Variants in GXYLT2 observed in about 807,000 individuals in gnomAD.
GXYLT2 encodes glycosyltransferase 8 domain containing 4.
A neutral mutation model predicts 45.8 loss-of-function variants in GXYLT2; 53 were observed. That is an observed-to-expected ratio of 1.16 (90% confidence interval 0.93 to 1.46). The LOEUF (loss-of-function observed/expected upper bound fraction) is 1.46, where lower values mean the gene tolerates loss of function less well. Among genes scored for constraint, GXYLT2 ranks in the 40% most tolerant of loss-of-function variants. The pLI is 0.00. For synonymous variants in GXYLT2, 219 were observed against 214.2 expected, an observed-to-expected ratio of 1.02 and a Z score of -0.19; for missense variants, 551 against 544.4, an observed-to-expected ratio of 1.01 and a Z score of -0.12.
chr3:72,959,726 C>G (rs1365186544), intron 5 of GXYLT2, among the ~76,000 whole-genome samples: 6 of 151,786 alleles, frequency 4.0e-5, no homozygotes, highest in Non-Finnish European at 7.4e-5. Flanking sequence ...TCTCTGCCCC[C>G]CAGGTTCAAG....
At chr3:72,951,185 A>G (rs1435308803) in intron 3 of GXYLT2, among the ~76,000 whole-genome samples, 2 of 144,706 alleles carry the variant, frequency 1.4e-5, no homozygotes, top group African/African-American at 5.3e-5. Flanking sequence ...ATGTTATCAA[A>G]AAGTGATTTT....
intron 6 of GXYLT2, among the ~76,000 whole-genome samples, chr3:72,969,017 G>T (rs528699754): frequency 2.6e-5 from 4 of 152,168 alleles, no homozygotes; most frequent in Non-Finnish European, 5.9e-5. Flanking sequence ...CTTGCAGGGA[G>T]CTGAGATGGC....
In GXYLT2 at chr3:72,967,714, C is replaced by G. The variant is rs200291518; in HGVS notation, c.1144C>G (p.Arg382Gly). The G allele has an allele frequency of 1.2e-6, 2 of 1,613,278 alleles. No individual in the cohort carries two copies. The highest frequency in any genetic ancestry group is 1.7e-4 in the Middle Eastern group (1 of 6,056). ...GTTCAGAGCACTCTATGAAGCAATA[C>G]GGGATGTAAGTGTGCCCTTGCTGCT... is the stretch of plus-strand genomic sequence containing the variant. ...PTFRALYEAIRDFPFQDNLFQ... is the reference protein window; with the variant it reads ...PTFRALYEAIGDFPFQDNLFQ... The change falls in exon 6 of 7, where the codon CGG becomes GGG. Residue 382 changes from arginine to glycine, a missense_variant. Coordinates refer to ENST00000389617, the MANE Select transcript of GXYLT2 (RefSeq NM_001080393.2).
At chr3:72,909,030 T>C (rs1709564429) in intron 2 of GXYLT2, among the ~76,000 whole-genome samples, 1 of 151,722 alleles carries the variant, frequency 6.6e-6, no homozygotes, top group African/African-American at 2.4e-5. Flanking sequence ...CCAGCCCCCG[T>C]TTTTTCCTTT....
At chr3:72,922,378 A>C in intron 3 of GXYLT2, 43 bp downstream of exon 3, 1 of 1,581,206 alleles carries the variant, frequency 6.3e-7, no homozygotes, top group Non-Finnish European at 8.6e-7. Flanking sequence ...TGCTCCTGGA[A>C]ATAAGGTAAA....
At chr3:72,941,759 T>C (rs1011724716) in intron 3 of GXYLT2, among the ~76,000 whole-genome samples, 1 of 152,018 alleles carries the variant, frequency 6.6e-6, no homozygotes, top group Non-Finnish European at 1.5e-5. Flanking sequence ...GAAGTAATTA[T>C]GGATACTCAA....
Position 72,957,284 on chromosome 3 carries a change from A to G in GXYLT2, c.908A>G (p.Gln303Arg), listed in dbSNP as rs1349077204. The G allele has an allele frequency of 1.2e-6, 2 of 1,611,812 alleles. No individual in the cohort carries two copies. Among genetic ancestry groups the G allele is most frequent in the African/African-American group, 1.3e-5 (1 of 74,836 alleles). ...GAGGACATGTTGTACCCTCTGTACC[A>G]GAAGTACAAGAATGCCATCACGTGG... ...AWEDMLYPLY[Q>R]KYKNAITWGD... Residue 303 changes from glutamine to arginine, a missense_variant, in exon 5 of 7, where the codon CAG becomes CGG. Coordinates refer to ENST00000389617, the MANE Select transcript of GXYLT2 (RefSeq NM_001080393.2).
At chr3:72,967,350 C>A (rs1011421184) in intron 5 of GXYLT2, among the ~76,000 whole-genome samples, 197 bp from the exon 6 acceptor site, 1 of 152,146 alleles carries the variant, frequency 6.6e-6, no homozygotes, top group Non-Finnish European at 1.5e-5. Context: ...CCTACATCAT[C>A]ACTGTGTGCC....
intron 3 of GXYLT2, among the ~76,000 whole-genome samples, chr3:72,953,729 C>T (rs1003483428): frequency 3.3e-5 from 5 of 152,082 alleles, no homozygotes; most frequent in Non-Finnish European, 5.9e-5. Context: ...AAAAGGTTGC[C>T]GCATGCTGAT....
chr3:72,890,038 A>C (rs1709154860), intron 1 of GXYLT2, among the ~76,000 whole-genome samples: 1 of 151,434 alleles, frequency 6.6e-6, no homozygotes, highest in Non-Finnish European at 1.5e-5. Context: ...CTTGTGCCTC[A>C]GCCTGCCAGG....
chr3:72,890,288 G>A (rs1463438942), intron 1 of GXYLT2, among the ~76,000 whole-genome samples: 4 of 152,250 alleles, frequency 2.6e-5, no homozygotes, highest in Non-Finnish European at 5.9e-5. Flanking sequence ...CTGGGAACTT[G>A]TTAGAAATGC....
At chr3:72,942,345 T>G (rs1710318243) in intron 3 of GXYLT2, among the ~76,000 whole-genome samples, 1 of 152,062 alleles carries the variant, frequency 6.6e-6, no homozygotes, top group East Asian at 1.9e-4. Flanking sequence ...AAATTCCAGT[T>G]AATACATGTA....
chr3:72,949,174 C>T (rs933385135), intron 3 of GXYLT2, among the ~76,000 whole-genome samples: 1 of 152,162 alleles, frequency 6.6e-6, no homozygotes, highest in African/African-American at 2.4e-5. Context: ...AGTTCCTGAT[C>T]GGGCACCTGC....
intron 3 of GXYLT2, among the ~76,000 whole-genome samples, chr3:72,945,705 A>G (rs1710390612): frequency 6.6e-6 from 1 of 152,192 alleles, no homozygotes; most frequent in Non-Finnish European, 1.5e-5. Context: ...GTGACACTTC[A>G]CCAGCAGGCC....
At chr3:72,937,218 A>G (rs1481553635) in intron 3 of GXYLT2, among the ~76,000 whole-genome samples, 3 of 152,228 alleles carry the variant, frequency 2.0e-5, no homozygotes, top group Non-Finnish European at 4.4e-5. Context: ...TTTTAAAAAA[A>G]GAAATAGAAT....
chr3:72,949,587 C>A (rs534486599), intron 3 of GXYLT2, among the ~76,000 whole-genome samples: 1 of 126,794 alleles, frequency 7.9e-6, no homozygotes, highest in East Asian at 2.7e-4. Flanking sequence ...TCTCAGCTGA[C>A]TGCAACCTCC....
chr3:72,912,734 C>T (rs1709657277), intron 2 of GXYLT2, among the ~76,000 whole-genome samples: 1 of 152,144 alleles, frequency 6.6e-6, no homozygotes, highest in Non-Finnish European at 1.5e-5. Flanking sequence ...CAGAAGATTC[C>T]AGCCGCCAGC....
At chr3:72,929,203 A>G in intron 3 of GXYLT2, 22 of 1,586,312 alleles carry the variant, frequency 1.4e-5, no homozygotes, top group Non-Finnish European at 1.9e-5. Context: ...ACTTTGCCAA[A>G]TACTTTCTTC....
chr3:72,937,728 T>A (rs1710218649), intron 3 of GXYLT2, among the ~76,000 whole-genome samples: 1 of 152,192 alleles, frequency 6.6e-6, no homozygotes, highest in Non-Finnish European at 1.5e-5. Context: ...AATACCTCCT[T>A]AGGAAAATTC....
Sources: gnomAD v4.1 joint callset for allele counts (sites outside exome capture counted in the v4.1 genomes callset) on GRCh38, gnomAD v4.1.1 for gene constraint, MANE v1.5 for transcripts, NCBI Gene and HGNC (gene_info 2026-07-23, HGNC 2026-07-21) for gene names.